COL5A2: variants seen among roughly 807,000 people sequenced by gnomAD.
COL5A2 encodes the protein collagen alpha-2(V) chain.
A neutral mutation model predicts 208.2 loss-of-function variants in COL5A2; 23 were observed. That is an observed-to-expected ratio of 0.11 (90% CI 0.08 to 0.16). The LOEUF (loss-of-function observed/expected upper bound fraction) is 0.16, where lower values mean the gene tolerates loss of function less well. Ranked by LOEUF, COL5A2 falls within the 10% of genes least tolerant of loss-of-function variation. The pLI is 1.00. For synonymous variants in COL5A2, 625 were observed against 628.5 expected, an observed-to-expected ratio of 0.99 and a Z score of 0.08; for missense variants, 1,590 against 1,956.4, an observed-to-expected ratio of 0.81 and a Z score of 3.53.
chr2:189,032,232 T>C lies in COL5A2; in HGVS notation c.*1838A>G, dbSNP rs1394541787. 3.9e-5 allele frequency: 6 copies of C among 152,164 alleles called. No individual in the cohort carries two copies. Among genetic ancestry groups the C allele is most frequent in the Non-Finnish European group, 8.8e-5 (6 of 68,012 alleles). The allele number at this position is 152,164 out of a possible 1,614,324, so 9.4% of individuals were successfully genotyped here. ...CACTTTGAGACATATGTTTTATTAT[T>C]ACAGTTTATTCAGTCATGAAAAATC... On this transcript the variant is annotated 3_prime_UTR_variant, in exon 54 of 54. Coordinates refer to ENST00000374866, the MANE Select transcript of COL5A2 (RefSeq NM_000393.5).
the COL5A2 span, among the ~76,000 whole-genome samples, chr2:189,285,071 GGT>G: frequency 0.058 from 8,107 of 139,714 alleles, 310 homozygotes; most frequent in Admixed American, 0.11. Context: ...GCATGCACAT[GGT>G]GTGTGTGTGT....
At chr2:189,046,241 T>C (rs953994201) in intron 45 of COL5A2, among the ~76,000 whole-genome samples, 1 of 152,184 alleles carries the variant, frequency 6.6e-6, no homozygotes, top group African/African-American at 2.4e-5. Flanking sequence ...ATTGGTATAC[T>C]TGGAATACAC....
intron 1 of COL5A2, among the ~76,000 whole-genome samples, chr2:189,196,421 A>G (rs1689001097): frequency 6.8e-6 from 1 of 146,390 alleles, no homozygotes; most frequent in African/African-American, 2.5e-5. Context: ...TACTTGAATC[A>G]GTATATTTTA....
chr2:189,192,543 T>A (rs985561743), intron 1 of COL5A2, among the ~76,000 whole-genome samples: 35 of 152,326 alleles, frequency 2.3e-4, no homozygotes, highest in African/African-American at 7.7e-4. Context: ...ATAAGTTTTC[T>A]AAATTCTATA....
upstream of COL5A2, among the ~76,000 whole-genome samples, chr2:189,183,428 C>T (rs1393155307): frequency 2.0e-5 from 3 of 152,136 alleles, no homozygotes; most frequent in Non-Finnish European, 4.4e-5. Flanking sequence ...AATTAAATCC[C>T]TTGACTTTAT....
intron 1 of COL5A2, among the ~76,000 whole-genome samples, chr2:189,203,665 CTT>C (rs1689107227): frequency 6.6e-6 from 1 of 152,106 alleles, no homozygotes. Flanking sequence ...ACTTTAGAGA[CTT>C]TATTATTTTC....
At chr2:189,209,889 G>A (rs1442974105) in intron 1 of COL5A2, among the ~76,000 whole-genome samples, 1 of 152,132 alleles carries the variant, frequency 6.6e-6, no homozygotes, top group Non-Finnish European at 1.5e-5. Context: ...TTAAATTTGA[G>A]TCAGGTGCTT....
the COL5A2 span, among the ~76,000 whole-genome samples, chr2:189,266,919 C>T: frequency 1.3e-5 from 2 of 151,406 alleles, no homozygotes; most frequent in South Asian, 4.2e-4. Flanking sequence ...AATTCTTGGA[C>T]AGTTAACATA....
the COL5A2 span, among the ~76,000 whole-genome samples, chr2:189,334,027 T>G: frequency 6.6e-6 from 1 of 150,676 alleles, no homozygotes; most frequent in Non-Finnish European, 1.5e-5. Context: ...AATACAGTAA[T>G]CTCAATAGAT....
chr2:189,153,587 TGGGGTGCACA>T (rs1423528807), intron 1 of COL5A2, among the ~76,000 whole-genome samples: 2 of 152,176 alleles, frequency 1.3e-5, no homozygotes, highest in African/African-American at 2.4e-5. Context: ...AAAGTGTAAG[TGGGGTGCACA>T]GGGGTGATAA....
chr2:189,071,382 TTATC>T (rs1210671015), intron 18 of COL5A2, among the ~76,000 whole-genome samples: 6 of 152,194 alleles, frequency 3.9e-5, no homozygotes, highest in African/African-American at 1.4e-4. Flanking sequence ...ATTCACCAGT[TTATC>T]TAATGTAATC....
intron 1 of COL5A2, among the ~76,000 whole-genome samples, chr2:189,111,868 T>C (rs987507883): frequency 6.6e-6 from 1 of 151,902 alleles, no homozygotes; most frequent in South Asian, 2.1e-4. Flanking sequence ...CTTTTCTTTT[T>C]TTTTTTTCTT....
At position 189,036,641 on chromosome 2, in the gene COL5A2, C is replaced by T. The variant is rs761034544; in HGVS notation, c.4088G>A (p.Gly1363Asp). The part of the protein sequence containing the change: ...KSPDNKPVWY[G>D]LDMNRGSQFA... ...CTGAGACCCTCTGTTCATATCAAGA[C>T]CATACCAAACAGGTTTATTGTCAGG... is the stretch of plus-strand genomic sequence containing the variant. The change falls in exon 52 of 54, where the codon GGT becomes GAT. Residue 1363 changes from glycine to aspartate, a missense_variant. Physicochemically the swap from Gly to Asp is moderately conservative, Grantham distance 94. Transcript: ENST00000374866. The T allele has an allele frequency of 6.2e-7, 1 of 1,613,604 alleles. No individual in the cohort carries two copies. Among genetic ancestry groups the T allele is most frequent in the Non-Finnish European group, 8.5e-7 (1 of 1,179,594 alleles).
rs148043847 is a variant in COL5A2, at chr2:189,139,290, T to A, written c.98-28841A>T. Reference sequence around the variant, plus strand: ...AACTCCCTCTCAAAAATAAATAAATTAATTAATTATTAAAGTTTAATATCA... The same window carrying A: ...AACTCCCTCTCAAAAATAAATAAATAAATTAATTATTAAAGTTTAATATCA... On this transcript the variant is annotated intron_variant, in intron 1 of 53. Coordinates refer to ENST00000374866, the MANE Select transcript of COL5A2 (RefSeq NM_000393.5). Among the ~76,000 whole-genome samples, 1,400 of 152,148 alleles carry A rather than the reference T, an allele frequency of 9.2e-3. 17 individuals carry two copies. The highest frequency in any genetic ancestry group is 0.013 in the Non-Finnish European group (853 of 67,996).
the COL5A2 span, among the ~76,000 whole-genome samples, chr2:189,320,431 G>A: frequency 2.0e-5 from 3 of 152,126 alleles, no homozygotes; most frequent in Non-Finnish European, 2.9e-5. Context: ...AAGATTACAC[G>A]AATGGCTAAC....
chr2:189,368,448 G>GA, the COL5A2 span, among the ~76,000 whole-genome samples: 59 of 149,316 alleles, frequency 4.0e-4, no homozygotes, highest in Middle Eastern at 3.4e-3. Context: ...TTCCAAGGGG[G>GA]AAAAAAAAAC....
At chr2:189,357,153 G>A in the COL5A2 span, among the ~76,000 whole-genome samples, 1 of 152,158 alleles carries the variant, frequency 6.6e-6, no homozygotes, top group South Asian at 2.1e-4. Flanking sequence ...GAGCTCTCCT[G>A]TAGGAGATGT....
At chr2:189,230,192 G>A (rs1329231834), upstream of COL5A2, among the ~76,000 whole-genome samples, 2 of 151,760 alleles carry the variant, frequency 1.3e-5, no homozygotes, top group East Asian at 1.9e-4. Context: ...ATGAAAAATT[G>A]ATTAAACACA....
upstream of COL5A2, among the ~76,000 whole-genome samples, chr2:189,227,678 T>C (rs1689437596): frequency 1.3e-5 from 2 of 151,984 alleles, no homozygotes; most frequent in South Asian, 2.1e-4. Context: ...TATAAATATA[T>C]ATGCAACCAA....
Sources: allele counts gnomAD v4.1 joint callset (sites outside exome capture counted in the v4.1 genomes callset), GRCh38; gene constraint gnomAD v4.1.1; transcripts MANE v1.5; gene names NCBI Gene and HGNC (gene_info 2026-07-23, HGNC 2026-07-21).